HBP1: variants seen among roughly 807,000 people sequenced by gnomAD.
HBP1 encodes the protein HMG box-containing protein 1.
HBP1 carries 20 observed loss-of-function variants against 62.6 expected under a neutral mutation model. The ratio of observed to expected loss-of-function variants is 0.32; its 90% CI spans 0.22 to 0.46. The LOEUF (loss-of-function observed/expected upper bound fraction) is 0.46. HBP1 is among the 20% of genes least tolerant of loss of function. HBP1 has a pLI of 1.00. For missense variants in HBP1, 480 were observed against 611.8 expected, an observed-to-expected ratio of 0.78 and a Z score of 2.27; for synonymous variants, 232 against 206.2, an observed-to-expected ratio of 1.12 and a Z score of -1.07.
intron 1 of HBP1, among the ~76,000 whole-genome samples, chr7:107,171,851 C>T (rs1796614464): frequency 7.8e-6 from 1 of 127,950 alleles, no homozygotes; most frequent in Non-Finnish European, 1.6e-5. Context: ...CAGAACGAGA[C>T]TTCCTCTCCA....
chr7:107,188,733 G>A (rs1022212293), intron 6 of HBP1, among the ~76,000 whole-genome samples: 37 of 152,082 alleles, frequency 2.4e-4, no homozygotes, highest in African/African-American at 8.7e-4. Context: ...TTCTTCTGTA[G>A]AGTCTTTTCT....
intron 2 of HBP1, among the ~76,000 whole-genome samples, chr7:107,181,095 G>T (rs1390846411): frequency 1.3e-5 from 2 of 152,174 alleles, no homozygotes; most frequent in African/African-American, 4.8e-5. Flanking sequence ...TTTTAAATTA[G>T]TGTGATGTTC....
chr7:107,180,096 C>CT, intron 2 of HBP1, 34 bp downstream of exon 2: 1 of 1,372,220 alleles, frequency 7.3e-7, no homozygotes, highest in Non-Finnish European at 1.0e-6. Context: ...AGAAATCTCA[C>CT]TAAGATTCAG....
At chr7:107,195,085 G>A (rs1287227726) in intron 8 of HBP1, among the ~76,000 whole-genome samples, 2 of 152,148 alleles carry the variant, frequency 1.3e-5, no homozygotes, top group Admixed American at 1.3e-4. Context: ...CTGTTGCCCA[G>A]TTGGAGTGCA....
chr7:107,189,511 T>A (rs1797545785), intron 7 of HBP1, 63 bp downstream of exon 7: 2 of 1,284,004 alleles, frequency 1.6e-6, no homozygotes, highest in Admixed American at 2.3e-5. Flanking sequence ...TCTGTAATTA[T>A]GTCTGTAGCT....
rs774696511 is a variant in HBP1 at position 107,200,445 on chromosome 7, T to C, written c.1527+144T>C. The C allele has an allele frequency of 1.1e-5, 6 of 526,502 alleles. 1 individual carries two copies. In the Admixed American group the frequency reaches 1.2e-4, roughly 10 times the overall value. The allele number at this position is 526,502 out of a possible 1,614,324, so 32.6% of individuals were successfully genotyped here. A position where few individuals can be genotyped will look rare whatever the true frequency, so the allele number is the denominator to read the frequency against. ...TATACTTCAAAACCTAATAATGTTA[T>C]CACATCATCATATAAAGACTGCCTT... On this transcript the variant is annotated intron_variant, in intron 10 of 10. Coordinates refer to ENST00000222574, the MANE Select transcript of HBP1 (RefSeq NM_012257.4).
intron 9 of HBP1, among the ~76,000 whole-genome samples, chr7:107,199,254 A>AC (rs1798083619): frequency 6.6e-6 from 1 of 152,008 alleles, no homozygotes; most frequent in Non-Finnish European, 1.5e-5. Context: ...CCTGGCAAAT[A>AC]GTAGAGATGG....
At position 107,196,232 on chromosome 7, in the gene HBP1, C is replaced by T. The variant is rs1043021617; in HGVS notation, c.1385+81C>T. 3.5e-6 allele frequency: 3 copies of T among 865,606 alleles called. No homozygotes were observed. The African/African-American group carries it at 5.0e-5, about 14-fold the overall frequency. 53.6% of individuals were successfully genotyped at this position (865,606 alleles called of 1,614,324 possible). A position where few individuals can be genotyped will look rare whatever the true frequency, so the allele number is the denominator to read the frequency against. ...ATGGTAACTGGAATAGTTAAGTAAA[C>T]TTATTCTTTAATAGCTTTTATTCAA... is the stretch of plus-strand genomic sequence containing the variant. On this transcript the variant is annotated intron_variant, in intron 9 of 10. Transcript: ENST00000222574.
intron 2 of HBP1, among the ~76,000 whole-genome samples, chr7:107,181,163 A>G (rs901846322): frequency 6.6e-6 from 1 of 152,162 alleles, no homozygotes; most frequent in African/African-American, 2.4e-5. Flanking sequence ...ACAAATGGAT[A>G]TCCCGAGTCA....
intron 1 of HBP1, among the ~76,000 whole-genome samples, chr7:107,171,058 T>TAC (rs1300738218): frequency 3.1e-5 from 2 of 64,758 alleles, no homozygotes; most frequent in Non-Finnish European, 2.5e-5. Context: ...TATATATATA[T>TAC]ATATATATAT....
intron 8 of HBP1, chr7:107,192,803 AC>A (rs1366891271): frequency 6.6e-6 from 1 of 152,204 alleles, no homozygotes; most frequent in African/African-American, 2.4e-5. Context: ...AGGAGCACCC[AC>A]CCTGCAAAGG....
At chr7:107,197,075 C>T (rs576821657) in intron 9 of HBP1, 1 of 152,318 alleles carries the variant, frequency 6.6e-6, no homozygotes, top group African/African-American at 2.4e-5. Context: ...AACTTAAGAG[C>T]TGTCCTCAGT....
intron 7 of HBP1, 24 bp downstream of exon 7, chr7:107,189,472 G>A: frequency 6.4e-7 from 1 of 1,560,620 alleles, no homozygotes; most frequent in Non-Finnish European, 8.7e-7. Flanking sequence ...TGCATTTGTA[G>A]TAACTTTTTT....
At chr7:107,170,330 G>A (rs942299820) in intron 1 of HBP1, among the ~76,000 whole-genome samples, 3 of 152,140 alleles carry the variant, frequency 2.0e-5, no homozygotes, top group Admixed American at 1.3e-4. Context: ...GAAATTAAAG[G>A]TACTTTTTGA....
chr7:107,169,995 G>A, intron 1 of HBP1: 2 of 985,498 alleles, frequency 2.0e-6, no homozygotes, highest in Non-Finnish European at 2.4e-6. Flanking sequence ...AGGCGAAGTG[G>A]ACAGCCAGGT....
intron 1 of HBP1, chr7:107,174,381 C>A: frequency 1.4e-6 from 1 of 701,592 alleles, no homozygotes; most frequent in Non-Finnish European, 1.8e-6. Flanking sequence ...TTATTTGGTT[C>A]TTTTGGTTAT....
At chr7:107,186,860 G>A (rs756254054) in intron 6 of HBP1, among the ~76,000 whole-genome samples, 179 bp downstream of exon 6, 1 of 152,084 alleles carries the variant, frequency 6.6e-6, no homozygotes, top group Non-Finnish European at 1.5e-5. Context: ...ATGATTTTAG[G>A]TTTGCCTTTC....
chr7:107,201,904 A>T lies in HBP1; in HGVS notation c.*473A>T, dbSNP rs1798347588. On this transcript the variant is annotated 3_prime_UTR_variant, in exon 11 of 11. Coordinates refer to ENST00000222574, the MANE Select transcript of HBP1 (RefSeq NM_012257.4). The stretch of plus-strand genomic sequence containing the variant: ...CGGCCTTTCCTCTAGTAACCACCAC[A>T]TGGCTCAGCATCTGTGCCAAACATA... The T allele has an allele frequency of 6.5e-6, 1 of 153,110 alleles. No homozygotes were observed. The highest frequency in any genetic ancestry group is 2.1e-4 in the South Asian group (1 of 4,844). The allele number at this position is 153,110 out of a possible 1,614,324, so 9.5% of individuals were successfully genotyped here. A position where few individuals can be genotyped will look rare whatever the true frequency, so the allele number is the denominator to read the frequency against.
At chr7:107,195,222 A>G (rs1433173461) in intron 8 of HBP1, among the ~76,000 whole-genome samples, 1 of 152,124 alleles carries the variant, frequency 6.6e-6, no homozygotes, top group Non-Finnish European at 1.5e-5. Context: ...GGGTTTCACC[A>G]TGTTGCCCAG....
Sources: gnomAD v4.1 joint callset for allele counts (sites outside exome capture counted in the v4.1 genomes callset) on GRCh38, gnomAD v4.1.1 for gene constraint, MANE v1.5 for transcripts, NCBI Gene and HGNC (gene_info 2026-07-23, HGNC 2026-07-21) for gene names.